Variants in ERGIC1 observed in about 807,000 individuals in gnomAD.
ERGIC1 encodes the protein endoplasmic reticulum-golgi intermediate compartment 1, also known as endoplasmic reticulum-Golgi intermediate compartment protein 1.
A neutral mutation model predicts 38.3 loss-of-function variants in ERGIC1; 19 were observed. The observed-to-expected ratio is 0.50, with a 90% CI of 0.35 to 0.73. The LOEUF (loss-of-function observed/expected upper bound fraction) is 0.73, where lower values mean the gene tolerates loss of function less well. Among genes scored for constraint, ERGIC1 ranks in the 30% least tolerant of loss-of-function variants. ERGIC1 has a pLI of 0.01. For synonymous variants in ERGIC1, 124 were observed against 157.6 expected (o/e 0.79, Z 1.60); for missense variants, 294 against 389.2 (o/e 0.76, Z 2.06).
intron 3 of ERGIC1, chr5:172,898,083 T>G (rs1762769869): frequency 5.1e-6 from 2 of 393,208 alleles, no homozygotes; most frequent in African/African-American, 4.1e-5. Flanking sequence ...CATTTCTGTG[T>G]TTACAGCCCG....
intron 1 of ERGIC1, among the ~76,000 whole-genome samples, chr5:172,870,942 C>T (rs552685391): frequency 6.6e-6 from 1 of 152,306 alleles, no homozygotes; most frequent in East Asian, 1.9e-4. Flanking sequence ...ATGCTCGCCA[C>T]TTCAGATCAC....
At chr5:172,849,477 C>G (rs964692591) in intron 1 of ERGIC1, among the ~76,000 whole-genome samples, 2 of 152,180 alleles carry the variant, frequency 1.3e-5, no homozygotes, top group African/African-American at 4.8e-5. Flanking sequence ...TCTTTGTTAA[C>G]CTAGTAATGA....
rs530455232 is a variant in ERGIC1, at chr5:172,891,311, C to T, written c.82+2551C>T. The stretch of plus-strand genomic sequence containing the variant: ...ATCCAAAAAAATCAAATGAGGCTTC[C>T]TGCCCCATTCCTACCGTCCACCAGT... On this transcript the variant is annotated intron_variant, in intron 2 of 9. Transcript: ENST00000393784. Among the ~76,000 whole-genome samples the T allele has an allele frequency of 2.6e-5, 4 of 152,216 alleles. No individual in the cohort carries two copies. The South Asian group carries it at 8.3e-4, about 32-fold the overall frequency.
chr5:172,878,414 C>T (rs758424570), intron 1 of ERGIC1, among the ~76,000 whole-genome samples: 6 of 152,144 alleles, frequency 3.9e-5, no homozygotes, highest in Non-Finnish European at 7.3e-5. Context: ...CAAGTCCTGG[C>T]CCTGCATCTT....
At chr5:172,908,291 A>G in intron 3 of ERGIC1, among the ~76,000 whole-genome samples, 1 of 38,762 alleles carries the variant, frequency 2.6e-5, no homozygotes. Context: ...GCACTTTGGG[A>G]GGCTGAGGCG....
chr5:172,952,475 T>C lies in ERGIC1; in HGVS notation c.*1659T>C, dbSNP rs569600944. On this transcript the variant is annotated 3_prime_UTR_variant, in exon 10 of 10. Coordinates refer to ENST00000393784, the MANE Select transcript of ERGIC1 (RefSeq NM_001031711.3). Reference sequence around the variant, plus strand: ...GCAGGGTGGGGTGGGGATGGAAATGTGTGGCATGCACATGAGTTGAAATTC... The same window carrying C: ...GCAGGGTGGGGTGGGGATGGAAATGCGTGGCATGCACATGAGTTGAAATTC... 3.4e-5 allele frequency: 5 copies of C among 149,078 alleles called. No individual in the cohort carries two copies. Among genetic ancestry groups the C allele is most frequent in the Non-Finnish European group, 7.4e-5 (5 of 67,684 alleles). 9.2% of individuals were successfully genotyped at this position (149,078 alleles called of 1,614,324 possible). A position where few individuals can be genotyped will look rare whatever the true frequency, so the allele number is the denominator to read the frequency against.
chr5:172,893,807 G>T (rs1318523534), intron 2 of ERGIC1, among the ~76,000 whole-genome samples: 1 of 144,556 alleles, frequency 6.9e-6, no homozygotes, highest in African/African-American at 2.5e-5. Flanking sequence ...GACATAGATT[G>T]CTGAGTGAGC....
intron 5 of ERGIC1, chr5:172,921,702 G>A (rs760989391): frequency 1.3e-5 from 2 of 152,280 alleles, no homozygotes; most frequent in Non-Finnish European, 2.9e-5. Flanking sequence ...GTGCCTCTTT[G>A]TTTCCTGCTG....
intron 1 of ERGIC1, among the ~76,000 whole-genome samples, chr5:172,879,342 C>T (rs1762225356): frequency 6.6e-6 from 1 of 152,178 alleles, no homozygotes; most frequent in South Asian, 2.1e-4. Context: ...AGATGTGGCC[C>T]GGAAAGTGGG....
chr5:172,874,695 G>C (rs1286769756), intron 1 of ERGIC1, among the ~76,000 whole-genome samples: 1 of 152,002 alleles, frequency 6.6e-6, no homozygotes, highest in Non-Finnish European at 1.5e-5. Flanking sequence ...GGGAGGCTGA[G>C]GCAGGCAGAT....
At chr5:172,943,341 C>T (rs1389553934) in intron 9 of ERGIC1, among the ~76,000 whole-genome samples, 2 of 151,492 alleles carry the variant, frequency 1.3e-5, no homozygotes, top group African/African-American at 4.9e-5. Flanking sequence ...ACGCTCTCCT[C>T]CCCCACCCCC....
chr5:172,838,046 G>T (rs1425497226), intron 1 of ERGIC1, among the ~76,000 whole-genome samples: 1 of 152,204 alleles, frequency 6.6e-6, no homozygotes, highest in African/African-American at 2.4e-5. Context: ...CCTCGGGGGT[G>T]CCGCTGCACT....
chr5:172,896,831 A>C (rs1162496594), intron 2 of ERGIC1, among the ~76,000 whole-genome samples, 171 bp from the exon 3 acceptor site: 1 of 152,170 alleles, frequency 6.6e-6, no homozygotes, highest in South Asian at 2.1e-4. Flanking sequence ...CCCCAAAGGC[A>C]GGGGGTGGGG....
At chr5:172,841,627 G>A (rs6877332) in intron 1 of ERGIC1, among the ~76,000 whole-genome samples, 44,083 of 152,180 alleles carry the variant, frequency 0.29, 6,550 homozygotes, top group African/African-American at 0.33. Flanking sequence ...GGGGACTGGC[G>A]TTGTGATAGC....
chr5:172,834,905 C>T lies in ERGIC1; in HGVS notation c.20+472C>T, dbSNP rs993431906. Among the ~76,000 whole-genome samples, 1 of 152,190 alleles carries T rather than the reference C, an allele frequency of 6.6e-6. No homozygotes were observed. Among genetic ancestry groups the T allele is most frequent in the South Asian group, 2.1e-4 (1 of 4,832 alleles). ...CCGGCAGCTGGAGGGTTTTAAGTTT[C>T]TATAGCCTGAGGCTCCCCCAGGCCG... On this transcript the variant is annotated intron_variant, in intron 1 of 9. Transcript: ENST00000393784. This position sits in a 1 kb window ranked among gnomAD's most constrained non-coding sequence, Gnocchi z 4.1.
At chr5:172,921,353 C>T (rs1216630276) in intron 5 of ERGIC1, among the ~76,000 whole-genome samples, 1 of 152,246 alleles carries the variant, frequency 6.6e-6, no homozygotes, top group Non-Finnish European at 1.5e-5. Flanking sequence ...TGCTCCACTC[C>T]TGACCCAGCA....
chr5:172,944,742 C>T (rs1764083541), intron 9 of ERGIC1, among the ~76,000 whole-genome samples: 1 of 152,208 alleles, frequency 6.6e-6, no homozygotes, highest in South Asian at 2.1e-4. Flanking sequence ...GGAGTCCAAG[C>T]CAATTCTGCC....
At chr5:172,856,403 G>A (rs1020772482) in intron 1 of ERGIC1, among the ~76,000 whole-genome samples, 4 of 147,534 alleles carry the variant, frequency 2.7e-5, no homozygotes, top group African/African-American at 9.9e-5. Flanking sequence ...AATGTGTACA[G>A]GCAGGGAGTG....
intron 2 of ERGIC1, among the ~76,000 whole-genome samples, chr5:172,890,785 C>T (rs566597210): frequency 3.3e-5 from 5 of 152,210 alleles, no homozygotes; most frequent in Non-Finnish European, 7.3e-5. Flanking sequence ...CTGATGGTCC[C>T]AGCCCTGCTG....
Sources: gnomAD v4.1 joint callset for allele counts (sites outside exome capture counted in the v4.1 genomes callset) on GRCh38, gnomAD v4.1.1 for gene constraint, Gnocchi (gnomAD v3.1) non-coding constraint, MANE v1.5 for transcripts, NCBI Gene and HGNC (gene_info 2026-07-23, HGNC 2026-07-21) for gene names.